The following MTBP variants were observed in gnomAD, a reference collection of about 807,000 sequenced individuals.
MTBP encodes MDM2 binding protein.
Under a neutral mutation model 117.0 loss-of-function variants are expected in MTBP, and 101 were observed. The observed-to-expected ratio is 0.86, with a 90% CI of 0.73 to 1.02. The LOEUF (loss-of-function observed/expected upper bound fraction) is 1.02. MTBP is among the 50% of genes least tolerant of loss of function. The pLI is 0.00. For synonymous variants in MTBP, 350 were observed against 351.5 expected, an observed-to-expected ratio of 1.00 and a Z score of 0.05; for missense variants, 970 against 1,030.9, an observed-to-expected ratio of 0.94 and a Z score of 0.81.
chr8:120,486,352 ATC>A (rs1814214407), intron 11 of MTBP, among the ~76,000 whole-genome samples: 1 of 151,992 alleles, frequency 6.6e-6, no homozygotes, highest in Non-Finnish European at 1.5e-5. Context: ...CCTGGGCAAA[ATC>A]TCTGAGCCAC....
intron 7 of MTBP, 117 bp downstream of exon 7, chr8:120,456,787 G>A: frequency 1.5e-6 from 1 of 678,586 alleles, no homozygotes; most frequent in Non-Finnish European, 2.6e-6. Context: ...ATAGCACTAA[G>A]TAGAACTTTC....
At chr8:120,495,981 C>G (rs1814445859) in intron 13 of MTBP, among the ~76,000 whole-genome samples, 2 of 151,938 alleles carry the variant, frequency 1.3e-5, no homozygotes, top group South Asian at 4.2e-4. Flanking sequence ...ACATTTGAAC[C>G]AACTGAAAAA....
At chr8:120,518,520 T>C (rs1814959744) in intron 19 of MTBP, among the ~76,000 whole-genome samples, 184 bp from the exon 20 acceptor site, 1 of 151,244 alleles carries the variant, frequency 6.6e-6, no homozygotes, top group African/African-American at 2.4e-5. Flanking sequence ...ATATTATTCC[T>C]GTGACACTTC....
At chr8:120,520,525 C>G (rs980451486) in intron 20 of MTBP, among the ~76,000 whole-genome samples, 1 of 152,062 alleles carries the variant, frequency 6.6e-6, no homozygotes, top group Non-Finnish European at 1.5e-5. Flanking sequence ...AAAAATATAA[C>G]AAAGTTTTCC....
At chr8:120,446,317 G>A in intron 1 of MTBP, 116 bp from the exon 2 acceptor site, 2 of 683,918 alleles carry the variant, frequency 2.9e-6, no homozygotes, top group South Asian at 1.7e-5. Flanking sequence ...CTTGAGCAGC[G>A]TTTAGTACTT....
At chr8:120,499,158 CTA>C (rs1342626637) in intron 14 of MTBP, among the ~76,000 whole-genome samples, 3 of 152,180 alleles carry the variant, frequency 2.0e-5, no homozygotes, top group African/African-American at 7.2e-5. Context: ...CATACTTATT[CTA>C]GTACCAGTAC....
rs369783487 is a variant in MTBP, at chr8:120,506,628, CTTT to C, written c.1728-66_1728-64del. On this transcript the variant is annotated intron_variant, in intron 15 of 21. Coordinates refer to ENST00000305949, the MANE Select transcript of MTBP (RefSeq NM_022045.5). ...CTCACATCTTCTTTTCCCGACTGTGCTTTTTTTTTTTTTTGACTCTGGCTTCTC... is the reference window on the plus strand; with the variant it reads ...CTCACATCTTCTTTTCCCGACTGTGCTTTTTTTTTTTGACTCTGGCTTCTC... 3.4e-3 allele frequency: 3,307 copies of C among 977,908 alleles called. 2 individuals are homozygous for C. The highest frequency in any genetic ancestry group is 5.9e-3 in the South Asian group (198 of 33,734). 60.6% of individuals were successfully genotyped at this position (977,908 alleles called of 1,614,324 possible).
chr8:120,509,285 C>A (rs564103736), intron 16 of MTBP, among the ~76,000 whole-genome samples: 4 of 152,272 alleles, frequency 2.6e-5, no homozygotes, highest in African/African-American at 9.6e-5. Flanking sequence ...GTTTACTCTA[C>A]CAAGGAAAAT....
At chr8:120,477,734 A>G (rs945791390) in intron 11 of MTBP, among the ~76,000 whole-genome samples, 1 of 152,134 alleles carries the variant, frequency 6.6e-6, no homozygotes, top group Non-Finnish European at 1.5e-5. Flanking sequence ...AATGGCGATC[A>G]TTAAAAAGTC....
At chr8:120,450,889 G>A in intron 2 of MTBP, 114 bp from the exon 3 acceptor site, 1 of 676,942 alleles carries the variant, frequency 1.5e-6, no homozygotes, top group South Asian at 2.8e-5. Context: ...TATGTATGTT[G>A]GATAATTATG....
intron 9 of MTBP, among the ~76,000 whole-genome samples, chr8:120,462,779 T>C (rs1019315231): frequency 1.3e-5 from 2 of 152,114 alleles, no homozygotes; most frequent in African/African-American, 2.4e-5. Context: ...GATAATGGGA[T>C]TGAAAGATAA....
intron 7 of MTBP, among the ~76,000 whole-genome samples, chr8:120,457,889 T>A (rs1339759651): frequency 6.8e-6 from 1 of 147,598 alleles, no homozygotes; most frequent in Non-Finnish European, 1.5e-5. Context: ...GAGGTTTCAG[T>A]GAGCTGAGAT....
At chr8:120,447,136 C>G (rs886526648) in intron 2 of MTBP, among the ~76,000 whole-genome samples, 1 of 152,070 alleles carries the variant, frequency 6.6e-6, no homozygotes, top group Admixed American at 6.6e-5. Flanking sequence ...GTCCTTTAAA[C>G]GTTCTGAAAA....
chr8:120,509,904 T>C (rs747392403), intron 16 of MTBP, 30 bp from the exon 17 acceptor site: 2 of 1,484,006 alleles, frequency 1.3e-6, no homozygotes, highest in African/African-American at 2.8e-5. Flanking sequence ...AAATAAACTT[T>C]GAATACAAAT....
chr8:120,454,943 G>A (rs927143694), intron 5 of MTBP, among the ~76,000 whole-genome samples: 2 of 151,734 alleles, frequency 1.3e-5, no homozygotes, highest in Non-Finnish European at 2.9e-5. Context: ...CAGTATAATT[G>A]GTTTTCAGAG....
intron 2 of MTBP, among the ~76,000 whole-genome samples, chr8:120,449,330 C>T (rs9643145): frequency 0.53 from 80,370 of 151,934 alleles, 24,568 homozygotes; most frequent in Non-Finnish European, 0.67. Context: ...GGGAATATGA[C>T]GTGTTCAGTT....
intron 15 of MTBP, among the ~76,000 whole-genome samples, chr8:120,504,674 T>A (rs529561832): frequency 6.6e-6 from 1 of 152,168 alleles, no homozygotes; most frequent in Non-Finnish European, 1.5e-5. Flanking sequence ...CTGAGAAATA[T>A]CTTATTATTT....
chr8:120,520,875 A>G (rs1184965471), intron 20 of MTBP, among the ~76,000 whole-genome samples: 1 of 152,144 alleles, frequency 6.6e-6, no homozygotes, highest in Non-Finnish European at 1.5e-5. Flanking sequence ...GCAGTCAGGT[A>G]TGAGGATTTA....
At chr8:120,507,803 T>G (rs1379452051) in intron 16 of MTBP, among the ~76,000 whole-genome samples, 1 of 152,114 alleles carries the variant, frequency 6.6e-6, no homozygotes, top group Non-Finnish European at 1.5e-5. Flanking sequence ...TGGAGTAATT[T>G]TTTTCCCATA....
Sources: gnomAD v4.1 joint callset for allele counts (sites outside exome capture counted in the v4.1 genomes callset) on GRCh38, gnomAD v4.1.1 for gene constraint, MANE v1.5 for transcripts, NCBI Gene and HGNC (gene_info 2026-07-23, HGNC 2026-07-21) for gene names.